The following ANKRD55 variants were observed in gnomAD, a reference collection of about 807,000 sequenced individuals.
The protein encoded by ANKRD55 is ankyrin repeat domain-containing protein 55.
Under a neutral mutation model 60.6 loss-of-function variants are expected in ANKRD55, and 41 were observed. That is an observed-to-expected ratio of 0.68 (90% CI 0.53 to 0.88). The LOEUF (loss-of-function observed/expected upper bound fraction) is 0.88. ANKRD55 is among the 40% of genes least tolerant of loss of function. ANKRD55 has a pLI of 0.00. For synonymous variants in ANKRD55, 264 were observed against 290.3 expected, an observed-to-expected ratio of 0.91 and a Z score of 0.92; for missense variants, 732 against 767.6, an observed-to-expected ratio of 0.95 and a Z score of 0.55.
intron 3 of ANKRD55, among the ~76,000 whole-genome samples, chr5:56,182,638 G>A (rs6450373): frequency 0.3 from 46,177 of 151,980 alleles, 12,797 homozygotes; most frequent in African/African-American, 0.73. Flanking sequence ...TATGACGAGT[G>A]ATTTTTGATT....
At chr5:56,119,369 C>T (rs932954488) in intron 8 of ANKRD55, among the ~76,000 whole-genome samples, 70 of 152,106 alleles carry the variant, frequency 4.6e-4, no homozygotes, top group African/African-American at 1.7e-3. Flanking sequence ...CTTACATGAC[C>T]TTCTGGAAAA....
At chr5:56,149,601 A>G (rs2111772151) in intron 6 of ANKRD55, among the ~76,000 whole-genome samples, 4 of 152,358 alleles carry the variant, frequency 2.6e-5, no homozygotes, top group Admixed American at 2.6e-4. Flanking sequence ...GCAGGGATGA[A>G]GCCCACATGA....
At chr5:56,127,237 G>T in intron 7 of ANKRD55, 131 bp from the exon 8 acceptor site, 1 of 1,299,044 alleles carries the variant, frequency 7.7e-7, no homozygotes, top group Non-Finnish European at 9.8e-7. Flanking sequence ...AAAGAGAAAA[G>T]GAAATGGAAA....
chr5:56,139,946 G>A (rs1757712048), intron 7 of ANKRD55, among the ~76,000 whole-genome samples: 1 of 152,122 alleles, frequency 6.6e-6, no homozygotes, highest in Non-Finnish European at 1.5e-5. Context: ...GTGTGTGCCT[G>A]TAGTCCCAGC....
chr5:56,124,665 GC>G (rs1194945701), intron 8 of ANKRD55, among the ~76,000 whole-genome samples: 2 of 151,870 alleles, frequency 1.3e-5, no homozygotes, highest in Non-Finnish European at 2.9e-5. Flanking sequence ...GCGCCACCAC[GC>G]CCGGCTAATT....
chr5:56,179,946 T>C (rs1258368524), intron 3 of ANKRD55, among the ~76,000 whole-genome samples: 2 of 152,232 alleles, frequency 1.3e-5, no homozygotes, highest in African/African-American at 4.8e-5. Context: ...TGTCTTAGTC[T>C]GTTTTCTGTT....
intron 5 of ANKRD55, among the ~76,000 whole-genome samples, chr5:56,170,387 G>GA (rs1561279355): frequency 1.3e-5 from 2 of 152,066 alleles, no homozygotes; most frequent in East Asian, 1.9e-4. Flanking sequence ...ACATGTGCTC[G>GA]AAAAATAGTT....
intron 10 of ANKRD55, among the ~76,000 whole-genome samples, chr5:56,104,228 A>C (rs1054446857): frequency 1.3e-5 from 2 of 152,224 alleles, no homozygotes; most frequent in Non-Finnish European, 2.9e-5. Context: ...TAACTCTGAC[A>C]ATCACTTTTT....
chr5:56,171,984 T>C (rs1266423168), intron 4 of ANKRD55, among the ~76,000 whole-genome samples: 1 of 151,902 alleles, frequency 6.6e-6, no homozygotes, highest in East Asian at 1.9e-4. Flanking sequence ...CTGGGAATGG[T>C]GGCGGGTGCC....
chr5:56,203,565 T>C (rs557119407), intron 2 of ANKRD55, among the ~76,000 whole-genome samples: 2 of 152,280 alleles, frequency 1.3e-5, no homozygotes, highest in South Asian at 4.1e-4. Flanking sequence ...AATTCCCACC[T>C]ATGAGTGAGA....
intron 2 of ANKRD55, among the ~76,000 whole-genome samples, chr5:56,198,617 T>G (rs1759281752): frequency 6.6e-6 from 1 of 152,094 alleles, no homozygotes; most frequent in Non-Finnish European, 1.5e-5. Context: ...GTAAAGTTAT[T>G]TGGATTCTTC....
At chr5:56,125,117 G>A (rs570288286) in intron 8 of ANKRD55, among the ~76,000 whole-genome samples, 4 of 152,228 alleles carry the variant, frequency 2.6e-5, no homozygotes, top group African/African-American at 9.6e-5. Flanking sequence ...TTCTAGGAGT[G>A]TTTTGAAGTA....
At chr5:56,151,144 C>T (rs1758032452) in intron 6 of ANKRD55, among the ~76,000 whole-genome samples, 1 of 152,170 alleles carries the variant, frequency 6.6e-6, no homozygotes, top group African/African-American at 2.4e-5. Context: ...AGGTGTGAGT[C>T]ACTGCACCCA....
chr5:56,212,080 ACACACACACG>A (rs143047985), intron 2 of ANKRD55, among the ~76,000 whole-genome samples: 24,951 of 145,892 alleles, frequency 0.17, 2,305 homozygotes, highest in East Asian at 0.37. Context: ...ACACACACAC[ACACACACACG>A]CGTACCTATA....
At chr5:56,108,854 T>C (rs1230427413) in intron 10 of ANKRD55, among the ~76,000 whole-genome samples, 2 of 152,146 alleles carry the variant, frequency 1.3e-5, no homozygotes, top group African/African-American at 2.4e-5. Flanking sequence ...CTGGCCAACA[T>C]AGTGAAACCC....
At chr5:56,148,829 G>A (rs1302480841) in intron 6 of ANKRD55, among the ~76,000 whole-genome samples, 1 of 152,156 alleles carries the variant, frequency 6.6e-6, no homozygotes, top group East Asian at 1.9e-4. Flanking sequence ...GTCTTGGTTG[G>A]CGGTTCGGGG....
intron 10 of ANKRD55, among the ~76,000 whole-genome samples, chr5:56,102,992 A>G (rs963571398): frequency 6.6e-6 from 1 of 152,218 alleles, no homozygotes; most frequent in Non-Finnish European, 1.5e-5. Flanking sequence ...TCCTGGCTGC[A>G]CATAGGAATT....
chr5:56,125,268 AC>A lies in ANKRD55; in HGVS notation c.797+1653del, dbSNP rs1757208379. Among the ~76,000 whole-genome samples, 3 of 150,088 alleles carry A rather than the reference AC, an allele frequency of 2.0e-5. No homozygotes were observed. In the South Asian group the frequency reaches 6.3e-4, roughly 32 times the overall value. On this transcript the variant is annotated intron_variant, in intron 8 of 11. Coordinates refer to ENST00000341048, the MANE Select transcript of ANKRD55 (RefSeq NM_024669.3). ...AACATCTGCTCTTAGGAAAACACTT[AC>A]TTTTTTCTTTTTTCTTTTTTTTTTT...
rs745640473 is a variant in ANKRD55, at chr5:56,176,261, G to A, written c.203C>T (p.Ala68Val). ...TGTGTCCGCTTGACGTCCAGAAACC[G>A]CATGCATCAAGGGCGTGCATCCTGG... ...DSEGCTPLMH[A>V]VSGRQADTVK... The change falls in exon 4 of 12, where the codon GCG (alanine) becomes GTG (valine). Residue 68 changes from alanine (A) to valine (V), a missense_variant. Physicochemically the swap from Ala to Val is moderately conservative, Grantham distance 64. Coordinates refer to ENST00000341048, the MANE Select transcript of ANKRD55 (RefSeq NM_024669.3). The A allele has an allele frequency of 3.1e-6, 5 of 1,613,992 alleles. No individual in the cohort carries two copies. Among genetic ancestry groups the A allele is most frequent in the African/African-American group, 1.3e-5 (1 of 74,908 alleles).
Sources: allele counts gnomAD v4.1 joint callset (sites outside exome capture counted in the v4.1 genomes callset), GRCh38; gene constraint gnomAD v4.1.1; transcripts MANE v1.5; gene names NCBI Gene and HGNC (gene_info 2026-07-23, HGNC 2026-07-21).